TENM2: variants seen among roughly 807,000 people sequenced by gnomAD.
TENM2 encodes the protein teneurin-2.
A neutral mutation model predicts 245.2 loss-of-function variants in TENM2; 52 were observed. That is an observed-to-expected ratio of 0.21 (90% CI 0.17 to 0.27). The LOEUF is 0.27. Ranked by LOEUF, TENM2 falls within the 10% of genes least tolerant of loss-of-function variation. The pLI is 1.00. For synonymous variants in TENM2, 1,363 were observed against 1,438.9 expected (o/e 0.95, Z 1.19); for missense variants, 3,046 against 3,666.8 (o/e 0.83, Z 4.37).
At chr5:167,529,158 T>C (rs895171969) in intron 2 of TENM2, among the ~76,000 whole-genome samples, 6 of 152,142 alleles carry the variant, frequency 3.9e-5, no homozygotes, top group East Asian at 3.9e-4. Context: ...ATCTTGATAA[T>C]TGAGTGAATA....
At chr5:167,643,856 A>G (rs1419139049) in intron 2 of TENM2, among the ~76,000 whole-genome samples, 1 of 152,238 alleles carries the variant, frequency 6.6e-6, no homozygotes, top group East Asian at 1.9e-4. Flanking sequence ...TAAGTAATGC[A>G]ATTGAGTTAA....
chr5:168,096,830 C>A (rs966257833), intron 8 of TENM2, among the ~76,000 whole-genome samples: 15 of 151,714 alleles, frequency 9.9e-5, no homozygotes, highest in Non-Finnish European at 1.9e-4. Flanking sequence ...ACCTGAAAGT[C>A]TAAATGTATT....
intron 25 of TENM2, among the ~76,000 whole-genome samples, chr5:168,237,488 C>T (rs1265114657): frequency 1.3e-5 from 2 of 152,022 alleles, no homozygotes; most frequent in African/African-American, 4.8e-5. Flanking sequence ...AAAGTCCCGA[C>T]TCACCAGTTC....
chr5:168,007,838 ACTT>A (rs1784940807), intron 5 of TENM2, among the ~76,000 whole-genome samples: 1 of 152,106 alleles, frequency 6.6e-6, no homozygotes, highest in Non-Finnish European at 1.5e-5. Context: ...TCAACTCTCA[ACTT>A]CTTCTAATTG....
the TENM2 span, among the ~76,000 whole-genome samples, chr5:167,054,442 T>C: frequency 1.3e-5 from 2 of 152,214 alleles, no homozygotes; most frequent in African/African-American, 4.8e-5. Flanking sequence ...CACTGAATGA[T>C]ACCTTGGTTG....
At chr5:166,979,869 T>C in the TENM2 span, among the ~76,000 whole-genome samples, 8 of 152,272 alleles carry the variant, frequency 5.3e-5, no homozygotes, top group Admixed American at 1.3e-4. Flanking sequence ...ATCGCAATTA[T>C]AGGGATTTTT....
At chr5:167,170,778 A>T in the TENM2 span, among the ~76,000 whole-genome samples, 3 of 152,220 alleles carry the variant, frequency 2.0e-5, no homozygotes, top group Non-Finnish European at 4.4e-5. Flanking sequence ...AAAGTCCACC[A>T]CGAACCTCAT....
intron 12 of TENM2, among the ~76,000 whole-genome samples, chr5:168,154,556 TTGTTTTTAC>T (rs1417322502): frequency 1.3e-5 from 2 of 152,184 alleles, no homozygotes; most frequent in Non-Finnish European, 2.9e-5. Context: ...TGTGAAAGGA[TTGTTTTTAC>T]TGTTTTTACA....
chr5:168,090,813 G>A, intron 8 of TENM2, 44 bp downstream of exon 10: 1 of 1,544,952 alleles, frequency 6.5e-7, no homozygotes, highest in Non-Finnish European at 8.9e-7. Context: ...AAGGGAAGAT[G>A]GAAATGTTCT....
intron 2 of TENM2, among the ~76,000 whole-genome samples, chr5:167,827,346 A>T (rs1241553698): frequency 6.6e-6 from 1 of 152,136 alleles, no homozygotes; most frequent in Non-Finnish European, 1.5e-5. Context: ...ACTAAATTTT[A>T]ATCAACAGTT....
At chr5:167,966,538 G>C (rs1781399556) in intron 4 of TENM2, among the ~76,000 whole-genome samples, 1 of 152,170 alleles carries the variant, frequency 6.6e-6, no homozygotes, top group Non-Finnish European at 1.5e-5. Flanking sequence ...AGCAATCTTA[G>C]ACTAATCTGG....
intron 5 of TENM2, among the ~76,000 whole-genome samples, chr5:168,034,075 ATG>A (rs1787396690): frequency 1.7e-5 from 2 of 118,860 alleles, no homozygotes; most frequent in East Asian, 3.4e-4. Flanking sequence ...GTGTATATAT[ATG>A]TATACATATA....
rs746050126 is a variant in TENM2, at chr5:168,236,586, C to T, written c.5521-7834C>T. 7.2e-5 allele frequency among the ~76,000 whole-genome samples: 11 copies of T among 152,152 alleles called. 1 individual carries two copies. The highest frequency in any genetic ancestry group is 1.9e-4 in the East Asian group (1 of 5,180). ...CCAGCTCTGGTTCCACATCCTTCCT[C>T]ACTGCCACAGTTCCTTCCCTGTGTC... is the stretch of plus-strand genomic sequence containing the variant. On this transcript the variant is annotated intron_variant, in intron 25 of 28. Transcript: ENST00000518659.
At chr5:167,631,962 T>C (rs1019894568) in intron 2 of TENM2, among the ~76,000 whole-genome samples, 1 of 152,188 alleles carries the variant, frequency 6.6e-6, no homozygotes, top group Non-Finnish European at 1.5e-5. Flanking sequence ...GTCGCTGTTA[T>C]TCTCTCAGCC....
chr5:167,517,541 C>T (rs1254318977), intron 2 of TENM2, among the ~76,000 whole-genome samples: 2 of 152,096 alleles, frequency 1.3e-5, no homozygotes, highest in African/African-American at 4.8e-5. Flanking sequence ...TAATAGAGGA[C>T]ATACTGCAAG....
At chr5:167,535,361 G>T (rs1185120294) in intron 2 of TENM2, among the ~76,000 whole-genome samples, 1 of 151,980 alleles carries the variant, frequency 6.6e-6, no homozygotes, top group Non-Finnish European at 1.5e-5. Flanking sequence ...GATGACTGTG[G>T]TGATGCTGCT....
chr5:168,252,929 T>C (rs1485982637), intron 27 of TENM2, among the ~76,000 whole-genome samples: 1 of 152,060 alleles, frequency 6.6e-6, no homozygotes, highest in African/African-American at 2.4e-5. Context: ...TAGACAAATA[T>C]CTCAACCCTT....
chr5:167,686,439 G>A (rs991682626), intron 2 of TENM2, among the ~76,000 whole-genome samples: 20 of 152,132 alleles, frequency 1.3e-4, no homozygotes, highest in African/African-American at 4.1e-4. Context: ...CAACCCAAAC[G>A]TTGCTTGCTG....
chr5:167,056,567 A>G, the TENM2 span, among the ~76,000 whole-genome samples: 16 of 145,372 alleles, frequency 1.1e-4, no homozygotes, highest in Non-Finnish European at 2.3e-4. Flanking sequence ...ATCTATATAA[A>G]TATGTATCTA....
Sources: allele counts gnomAD v4.1 joint callset (sites outside exome capture counted in the v4.1 genomes callset), GRCh38; gene constraint gnomAD v4.1.1; transcripts MANE v1.5; gene names NCBI Gene and HGNC (gene_info 2026-07-23, HGNC 2026-07-21).